Variants in PIEZO2 observed in about 807,000 individuals in gnomAD.
PIEZO2 encodes piezo type mechanosensitive ion channel component 2, also known as piezo-type mechanosensitive ion channel component 2.
In PIEZO2, 172 loss-of-function variants were observed where a neutral mutation model predicts 337.3. The observed-to-expected ratio is 0.51, with a 90% CI of 0.45 to 0.58. PIEZO2 has a LOEUF of 0.58. Ranked by LOEUF, PIEZO2 falls within the 20% of genes least tolerant of loss-of-function variation. PIEZO2 has a pLI of 0.00. For synonymous variants in PIEZO2, 1,251 were observed against 1,228.5 expected (o/e 1.02, Z -0.38); for missense variants, 3,028 against 3,391.3 (o/e 0.89, Z 2.66).
At chr18:10,822,424 G>A (rs971509188) in intron 7 of PIEZO2, among the ~76,000 whole-genome samples, 1 of 152,078 alleles carries the variant, frequency 6.6e-6, no homozygotes, top group Non-Finnish European at 1.5e-5. Flanking sequence ...CCTTTTCCAG[G>A]GTGGTGATGG....
At chr18:10,835,691 G>A (rs941076382) in intron 7 of PIEZO2, among the ~76,000 whole-genome samples, 11 of 152,238 alleles carry the variant, frequency 7.2e-5, no homozygotes, top group African/African-American at 2.4e-4. Context: ...TTACAGGCAC[G>A]TGCTACCACA....
chr18:10,800,569 A>G (rs1368196768), intron 10 of PIEZO2, 94 bp from the exon 11 acceptor site: 2 of 1,345,610 alleles, frequency 1.5e-6, no homozygotes, highest in East Asian at 2.7e-5. Flanking sequence ...CCCTAACTGA[A>G]CAGTGAGGAG....
chr18:10,886,323 C>CATACATATATATATATAT (rs1568164981), intron 4 of PIEZO2, among the ~76,000 whole-genome samples: 1 of 26,370 alleles, frequency 3.8e-5, no homozygotes, highest in African/African-American at 2.8e-4. Context: ...CCTATACATA[C>CATACATATATATATATAT]ATATATATAT....
rs571963808 is a variant in PIEZO2 at position 10,870,565 on chromosome 18, T to C, written c.492+688A>G. On this transcript the variant is annotated intron_variant, in intron 5 of 55. Transcript: ENST00000674853. This position sits in a 1 kb window ranked among gnomAD's most constrained non-coding sequence, Gnocchi z 5.3. The stretch of plus-strand genomic sequence containing the variant: ...GTACAGTTATTAGAACATAACAGTG[T>C]CCTGAGGCTGGTCAGGGGGCAGCGT... Among the ~76,000 whole-genome samples the C allele has an allele frequency of 6.6e-6, 1 of 151,382 alleles. No individual in the cohort carries two copies. Among genetic ancestry groups the C allele is most frequent in the African/African-American group, 2.4e-5 (1 of 41,472 alleles).
chr18:10,885,645 G>T (rs2042558348), intron 4 of PIEZO2, among the ~76,000 whole-genome samples: 1 of 152,124 alleles, frequency 6.6e-6, no homozygotes, highest in African/African-American at 2.4e-5. Flanking sequence ...AGGGTCATTG[G>T]GAACCTTGAC....
chr18:10,720,611 C>T (rs1328735390), intron 36 of PIEZO2, among the ~76,000 whole-genome samples: 1 of 150,692 alleles, frequency 6.6e-6, no homozygotes, highest in East Asian at 1.9e-4. Flanking sequence ...TGCAACACCA[C>T]ACCTGACTAT....
intron 47 of PIEZO2, among the ~76,000 whole-genome samples, chr18:10,693,017 C>A (rs908296325): frequency 2.6e-5 from 4 of 152,032 alleles, no homozygotes; most frequent in African/African-American, 9.7e-5. Flanking sequence ...GAATTTAAGT[C>A]TTCTTGATTT....
chr18:10,870,687 T>A lies in PIEZO2; in HGVS notation c.492+566A>T, dbSNP rs199665132. On this transcript the variant is annotated intron_variant, in intron 5 of 55. Coordinates refer to ENST00000674853, the MANE Select transcript of PIEZO2 (RefSeq NM_001378183.1). The surrounding 1 kb of genome is among the most constrained non-coding windows in gnomAD (Gnocchi z 5.3). ...AAACCTTTCAACCAGCTAGCAAACA[T>A]ACATCTCGTTCATTATTTTTACCTT... 6.6e-6 allele frequency among the ~76,000 whole-genome samples: 1 copy of A among 152,200 alleles called. No individual in the cohort carries two copies. Among genetic ancestry groups the A allele is most frequent in the Admixed American group, 6.5e-5 (1 of 15,284 alleles).
At chr18:10,796,361 C>G (rs2039598913) in intron 12 of PIEZO2, among the ~76,000 whole-genome samples, 1 of 103,520 alleles carries the variant, frequency 9.7e-6, no homozygotes, top group African/African-American at 3.6e-5. Context: ...CAGAGCAAGA[C>G]TCCATCTCAA....
At chr18:10,721,431 T>C (rs1356875217) in intron 36 of PIEZO2, among the ~76,000 whole-genome samples, 1 of 152,114 alleles carries the variant, frequency 6.6e-6, no homozygotes, top group African/African-American at 2.4e-5. Context: ...TGTCTTTGAT[T>C]GGTAGGTTAA....
At chr18:10,978,985 A>C (rs1042675664) in intron 3 of PIEZO2, among the ~76,000 whole-genome samples, 5 of 152,138 alleles carry the variant, frequency 3.3e-5, no homozygotes, top group African/African-American at 1.2e-4. Flanking sequence ...ACTTCAAAAT[A>C]TAAGGGGCTT....
At chr18:10,897,817 C>T (rs1432463361) in intron 4 of PIEZO2, among the ~76,000 whole-genome samples, 1 of 152,216 alleles carries the variant, frequency 6.6e-6, no homozygotes, top group East Asian at 1.9e-4. Context: ...GAATTAAGGG[C>T]AATAAGTCTT....
intron 21 of PIEZO2, among the ~76,000 whole-genome samples, chr18:10,765,190 C>T (rs1031776435): frequency 6.6e-6 from 1 of 152,182 alleles, no homozygotes; most frequent in African/African-American, 2.4e-5. Context: ...CGTAAGGGGA[C>T]TGAGACCTGA....
intron 1 of PIEZO2, among the ~76,000 whole-genome samples, chr18:11,144,840 CT>C (rs1483794835): frequency 1.3e-5 from 2 of 152,142 alleles, no homozygotes; most frequent in African/African-American, 4.8e-5. Flanking sequence ...TTTCTTCCCC[CT>C]GAAAATATGT....
intron 1 of PIEZO2, among the ~76,000 whole-genome samples, chr18:11,093,737 C>G (rs1028035644): frequency 1.3e-5 from 2 of 151,756 alleles, no homozygotes; most frequent in African/African-American, 4.8e-5. Flanking sequence ...CAGGCGCCCA[C>G]CACCATCAAC....
At chr18:10,705,280 T>C in intron 41 of PIEZO2, 56 bp downstream of exon 41, 1 of 1,452,202 alleles carries the variant, frequency 6.9e-7, no homozygotes, top group Non-Finnish European at 9.1e-7. Flanking sequence ...AATTAGGGCA[T>C]TATGTTTAAG....
At position 10,771,153 on chromosome 18, in the gene PIEZO2, C is replaced by T. The variant is rs140621254; in HGVS notation, c.2786-845G>A. On this transcript the variant is annotated intron_variant, in intron 20 of 55. Coordinates refer to ENST00000674853, the MANE Select transcript of PIEZO2 (RefSeq NM_001378183.1). ...GCCACAACGGCACTTTTATAAATGG[C>T]CTGTCTCCTTCGACAAGGCTTAACT... Among the ~76,000 whole-genome samples the T allele has an allele frequency of 1.8e-3, 279 of 152,340 alleles. 1 individual carries two copies. The highest frequency in any genetic ancestry group is 3.2e-3 in the Non-Finnish European group (219 of 68,038).
chr18:11,016,142 A>C lies in PIEZO2; in HGVS notation c.161-36482T>G, dbSNP rs1365934770. ...CTTATTAACCTCTGTTAATACCTCAATTTAGCAAATGTAATGAGTACTGTG... is the reference window on the plus strand; with the variant it reads ...CTTATTAACCTCTGTTAATACCTCACTTTAGCAAATGTAATGAGTACTGTG... On this transcript the variant is annotated intron_variant, in intron 2 of 55. Coordinates refer to ENST00000674853, the MANE Select transcript of PIEZO2 (RefSeq NM_001378183.1). The surrounding 1 kb of genome is among the most constrained non-coding windows in gnomAD (Gnocchi z 5.6). 2.0e-5 allele frequency among the ~76,000 whole-genome samples: 3 copies of C among 152,126 alleles called. No individual in the cohort carries two copies. Among genetic ancestry groups the C allele is most frequent in the Non-Finnish European group, 4.4e-5 (3 of 68,016 alleles).
chr18:11,143,627 ACACACACACACACT>A lies in PIEZO2; in HGVS notation c.64+4884_64+4897del, dbSNP rs1169263396. Among the ~76,000 whole-genome samples, 1,156 of 107,754 alleles carry A rather than the reference ACACACACACACACT, an allele frequency of 0.011. 4 individuals are homozygous for A. The highest frequency in any genetic ancestry group is 0.043 in the African/African-American group (712 of 16,584). The allele number at this position is 107,754 out of a possible 152,430, so 70.7% of individuals were successfully genotyped here. ...CACACACACACACACACACACACAC[ACACACACACACACT>A]CTCTCTCTCTCTCTCTCTCTCTCTC... is the stretch of plus-strand genomic sequence containing the variant. On this transcript the variant is annotated intron_variant, in intron 1 of 55. Transcript: ENST00000674853. The surrounding 1 kb of genome is among the most constrained non-coding windows in gnomAD (Gnocchi z 4.9).
Sources: gnomAD v4.1 joint callset for allele counts (sites outside exome capture counted in the v4.1 genomes callset) on GRCh38, gnomAD v4.1.1 for gene constraint, Gnocchi (gnomAD v3.1) non-coding constraint, MANE v1.5 for transcripts, NCBI Gene and HGNC (gene_info 2026-07-23, HGNC 2026-07-21) for gene names.